Variants in SPATA17 observed in about 807,000 individuals in gnomAD.
SPATA17 encodes spermatogenesis associated 17.
A neutral mutation model predicts 62.2 loss-of-function variants in SPATA17; 53 were observed. That is an observed-to-expected ratio of 0.85 (90% confidence interval 0.68 to 1.07). SPATA17 has a LOEUF of 1.07. Among genes scored for constraint, SPATA17 ranks in the 50% least tolerant of loss-of-function variants. The pLI, the probability that SPATA17 is intolerant of heterozygous loss-of-function variation, is 0.00. For missense variants in SPATA17, 466 were observed against 425.5 expected (o/e 1.10, Z -0.84); for synonymous variants, 146 against 146.8 (o/e 0.99, Z 0.04).
At chr1:217,857,571 G>C (rs1675811642) in intron 9 of SPATA17, among the ~76,000 whole-genome samples, 2 of 152,188 alleles carry the variant, frequency 1.3e-5, no homozygotes, top group South Asian at 4.2e-4. Context: ...CATTTAAAAA[G>C]TGACACTGTG....
intron 9 of SPATA17, among the ~76,000 whole-genome samples, chr1:217,848,823 C>T (rs1457079470): frequency 2.0e-5 from 3 of 152,080 alleles, no homozygotes; most frequent in Non-Finnish European, 2.9e-5. Flanking sequence ...AGTCAGAAAT[C>T]AAATTCTCTA....
chr1:217,798,874 CT>C (rs879820882), intron 8 of SPATA17, among the ~76,000 whole-genome samples: 3,938 of 139,900 alleles, frequency 0.028, 174 homozygotes, highest in African/African-American at 0.093. Flanking sequence ...TATTTTCTGT[CT>C]TTTTTTTTTT....
At chr1:217,682,259 T>C (rs1281600085) in intron 4 of SPATA17, among the ~76,000 whole-genome samples, 2 of 152,016 alleles carry the variant, frequency 1.3e-5, no homozygotes, top group Non-Finnish European at 2.9e-5. Flanking sequence ...TTAGCAAAGA[T>C]AGGACTTAAG....
At chr1:217,671,545 T>C (rs2102898390) in intron 4 of SPATA17, among the ~76,000 whole-genome samples, 1 of 152,288 alleles carries the variant, frequency 6.6e-6, no homozygotes, top group Non-Finnish European at 1.5e-5. Context: ...TCCTTTCCAA[T>C]AAAGTCTCTC....
intron 9 of SPATA17, among the ~76,000 whole-genome samples, chr1:217,815,443 G>A (rs1002257184): frequency 2.0e-5 from 3 of 152,044 alleles, no homozygotes; most frequent in Non-Finnish European, 2.9e-5. Context: ...AGCGTGTTTT[G>A]GGTACTGCCA....
intron 5 of SPATA17, among the ~76,000 whole-genome samples, chr1:217,704,770 T>G (rs1417010381): frequency 6.6e-6 from 1 of 152,194 alleles, no homozygotes; most frequent in Non-Finnish European, 1.5e-5. Context: ...TTCCATGGTA[T>G]ATATGTACCA....
intron 3 of SPATA17, among the ~76,000 whole-genome samples, chr1:217,659,344 A>G (rs898995481): frequency 2.0e-5 from 3 of 152,148 alleles, no homozygotes; most frequent in East Asian, 1.9e-4. Context: ...AGGAATGAGC[A>G]TAACATATAC....
At chr1:217,731,947 C>A (rs2102941742) in intron 5 of SPATA17, among the ~76,000 whole-genome samples, 1 of 152,148 alleles carries the variant, frequency 6.6e-6, no homozygotes, top group Non-Finnish European at 1.5e-5. Context: ...GATAAAGAAT[C>A]ATTTATTTTT....
intron 5 of SPATA17, among the ~76,000 whole-genome samples, chr1:217,699,556 T>G (rs781246983): frequency 6.6e-6 from 1 of 152,180 alleles, no homozygotes; most frequent in Non-Finnish European, 1.5e-5. Flanking sequence ...TTAGATTATA[T>G]TTTTATGGTT....
intron 9 of SPATA17, among the ~76,000 whole-genome samples, chr1:217,815,585 T>C (rs1434326265): frequency 6.6e-6 from 1 of 152,182 alleles, no homozygotes; most frequent in African/African-American, 2.4e-5. Flanking sequence ...AATACCATTA[T>C]TTAATGGAAC....
At chr1:217,658,602 C>CA (rs997851770) in intron 3 of SPATA17, among the ~76,000 whole-genome samples, 1 of 151,860 alleles carries the variant, frequency 6.6e-6, no homozygotes, top group African/African-American at 2.4e-5. Context: ...ACTAAGAACA[C>CA]AAAAAATTAG....
intron 5 of SPATA17, among the ~76,000 whole-genome samples, chr1:217,724,642 T>C (rs1320052249): frequency 6.6e-6 from 1 of 151,914 alleles, no homozygotes; most frequent in Admixed American, 6.6e-5. Context: ...ATAAGAAAAA[T>C]ATCAATTTGT....
At chr1:217,727,638 T>C (rs1202191938) in intron 5 of SPATA17, among the ~76,000 whole-genome samples, 1 of 152,184 alleles carries the variant, frequency 6.6e-6, no homozygotes, top group Admixed American at 6.5e-5. Flanking sequence ...ATGTATAATA[T>C]TCTTTTACAT....
chr1:217,751,081 C>T (rs990579079), intron 6 of SPATA17, among the ~76,000 whole-genome samples: 4 of 152,140 alleles, frequency 2.6e-5, no homozygotes, highest in Non-Finnish European at 4.4e-5. Flanking sequence ...TCATTGAATT[C>T]TCTCTTTTTC....
At chr1:217,795,237 G>A (rs1674103133) in intron 8 of SPATA17, among the ~76,000 whole-genome samples, 1 of 151,852 alleles carries the variant, frequency 6.6e-6, no homozygotes, top group African/African-American at 2.4e-5. Context: ...TCAAAGAGGG[G>A]AAATATAATA....
intron 9 of SPATA17, among the ~76,000 whole-genome samples, chr1:217,836,756 A>C (rs571384937): frequency 2.0e-5 from 3 of 152,242 alleles, no homozygotes; most frequent in African/African-American, 7.2e-5. Flanking sequence ...ACAAAGAGCT[A>C]TGACCTCTCA....
intron 5 of SPATA17, among the ~76,000 whole-genome samples, chr1:217,727,316 G>A (rs915512046): frequency 1.3e-5 from 2 of 150,330 alleles, no homozygotes; most frequent in African/African-American, 4.9e-5. Flanking sequence ...TCTTATACAT[G>A]GCTCCTCTCA....
intron 9 of SPATA17, among the ~76,000 whole-genome samples, chr1:217,817,575 T>C (rs947785332): frequency 8.5e-5 from 13 of 152,064 alleles, no homozygotes; most frequent in Non-Finnish European, 2.9e-5. Flanking sequence ...AATGAACTAA[T>C]ACAGATGGTG....
chr1:217,801,739 C>A lies in SPATA17; in HGVS notation c.894C>A (p.Tyr298Ter). Residue 298 changes from tyrosine (Y) to a stop codon, truncating the protein, a stop_gained, in exon 9 of 11, where the codon TAC (tyrosine) becomes TAA (stop). Transcript: ENST00000366933. LOFTEE classifies it high-confidence loss of function. ...NDNMFLPFSSYHKNEKYIPSM... is the reference protein window; with the variant it reads ...NDNMFLPFSS ...TCAGGTTTTTGCCATTTTCTTCATA[C>A]CATAAAAATGAAAAGTACATCCCAT... 1 of 1,604,812 alleles carries A rather than the reference C, an allele frequency of 6.2e-7. No individual in the cohort carries two copies. The highest frequency in any genetic ancestry group is 1.7e-5 in the Admixed American group (1 of 57,550).
Sources: allele counts gnomAD v4.1 joint callset (sites outside exome capture counted in the v4.1 genomes callset), GRCh38; gene constraint gnomAD v4.1.1; transcripts MANE v1.5; gene names NCBI Gene and HGNC (gene_info 2026-07-23, HGNC 2026-07-21).